The following PDZRN4 variants were observed in gnomAD, a reference collection of about 807,000 sequenced individuals.
PDZRN4 encodes PDZ domain-containing RING finger protein 4.
In PDZRN4, 70 loss-of-function variants were observed where a neutral mutation model predicts 99.0. The ratio of observed to expected loss-of-function variants is 0.71; its 90% CI spans 0.58 to 0.86. PDZRN4 has a LOEUF of 0.86. Ranked by LOEUF, PDZRN4 falls within the 40% of genes least tolerant of loss-of-function variation. The probability of loss-of-function intolerance (pLI) is 0.00; values close to 1 mark genes in which losing one functional copy is unlikely to be tolerated. For synonymous variants in PDZRN4, 551 were observed against 501.6 expected, an observed-to-expected ratio of 1.10 and a Z score of -1.32; for missense variants, 1,474 against 1,331.2, an observed-to-expected ratio of 1.11 and a Z score of -1.67.
At chr12:41,413,728 T>G (rs1225636224) in intron 3 of PDZRN4, among the ~76,000 whole-genome samples, 1 of 152,186 alleles carries the variant, frequency 6.6e-6, no homozygotes, top group East Asian at 1.9e-4. Flanking sequence ...GATGAGCCTT[T>G]GAAGACAGCA....
At chr12:41,317,066 A>AC (rs1408271873) in intron 3 of PDZRN4, among the ~76,000 whole-genome samples, 3 of 141,592 alleles carry the variant, frequency 2.1e-5, no homozygotes, top group Non-Finnish European at 4.7e-5. Context: ...ATATATATAT[A>AC]TATATATAGT....
intron 3 of PDZRN4, among the ~76,000 whole-genome samples, chr12:41,221,746 T>C (rs776211939): frequency 3.3e-5 from 5 of 152,090 alleles, no homozygotes; most frequent in Non-Finnish European, 5.9e-5. Flanking sequence ...GGCCTTCCTT[T>C]TCAAGTCTTA....
chr12:41,331,625 A>G (rs1204436864), intron 3 of PDZRN4, among the ~76,000 whole-genome samples: 1 of 152,162 alleles, frequency 6.6e-6, no homozygotes, highest in Non-Finnish European at 1.5e-5. Context: ...ATAGAACTGT[A>G]TTAGTCCATT....
intron 8 of PDZRN4, among the ~76,000 whole-genome samples, chr12:41,566,601 C>G (rs1031206766): frequency 5.3e-5 from 8 of 152,058 alleles, no homozygotes; most frequent in African/African-American, 1.9e-4. Context: ...TTCTACATGG[C>G]CTTTAATAGA....
intron 5 of PDZRN4, among the ~76,000 whole-genome samples, chr12:41,538,398 A>G (rs1267395698): frequency 6.6e-6 from 1 of 152,210 alleles, no homozygotes; most frequent in South Asian, 2.1e-4. Context: ...AAGAAACGTT[A>G]TATTGTGGAC....
chr12:41,229,354 T>G (rs1051590404), intron 3 of PDZRN4, among the ~76,000 whole-genome samples: 3 of 152,022 alleles, frequency 2.0e-5, no homozygotes, highest in Admixed American at 6.6e-5. Flanking sequence ...TCTTAAAAAG[T>G]CTTATAACCA....
intron 3 of PDZRN4, among the ~76,000 whole-genome samples, chr12:41,323,173 A>G (rs544075034): frequency 7.2e-5 from 11 of 152,260 alleles, no homozygotes; most frequent in African/African-American, 2.6e-4. Flanking sequence ...TTTGCTCCTA[A>G]GGTTAGCATC....
chr12:41,334,608 G>A (rs1951761590), intron 3 of PDZRN4, among the ~76,000 whole-genome samples: 2 of 152,096 alleles, frequency 1.3e-5, no homozygotes, highest in Non-Finnish European at 2.9e-5. Context: ...TCACGGCTTT[G>A]ACTGGCAAAG....
At chr12:41,281,114 G>T (rs757699061) in intron 3 of PDZRN4, among the ~76,000 whole-genome samples, 1 of 147,938 alleles carries the variant, frequency 6.8e-6, no homozygotes. Context: ...CAGACCTGCA[G>T]GAGAAGGGCC....
intron 3 of PDZRN4, among the ~76,000 whole-genome samples, chr12:41,415,303 T>A (rs905952611): frequency 6.7e-6 from 1 of 149,724 alleles, no homozygotes; most frequent in Non-Finnish European, 1.5e-5. Context: ...GAAAAGTCAA[T>A]GGAAATTTAT....
chr12:41,475,878 T>A (rs1953038434), intron 3 of PDZRN4, among the ~76,000 whole-genome samples: 1 of 152,174 alleles, frequency 6.6e-6, no homozygotes, highest in African/African-American at 2.4e-5. Flanking sequence ...CCTCCGGGAG[T>A]AAATGTTGTC....
intron 3 of PDZRN4, among the ~76,000 whole-genome samples, chr12:41,326,217 A>T (rs941589051): frequency 6.6e-5 from 10 of 151,906 alleles, no homozygotes; most frequent in Admixed American, 5.9e-4. Context: ...GGCTCGAGCA[A>T]TCTGCCCACC....
chr12:41,392,011 T>A (rs1404331350), intron 3 of PDZRN4, among the ~76,000 whole-genome samples: 1 of 152,188 alleles, frequency 6.6e-6, no homozygotes, highest in Non-Finnish European at 1.5e-5. Context: ...ATGCTATAGA[T>A]GTTATATTCA....
intron 3 of PDZRN4, among the ~76,000 whole-genome samples, chr12:41,248,505 ACAG>A (rs112056506): frequency 0.039 from 4,985 of 127,666 alleles, 148 homozygotes; most frequent in East Asian, 0.16. Context: ...TGTGTAATGG[ACAG>A]CAGTAATAGC....
intron 3 of PDZRN4, among the ~76,000 whole-genome samples, chr12:41,448,997 A>G (rs1952752807): frequency 6.6e-6 from 1 of 152,072 alleles, no homozygotes; most frequent in African/African-American, 2.4e-5. Flanking sequence ...CAGACCAAGC[A>G]TTTCATTACC....
intron 3 of PDZRN4, among the ~76,000 whole-genome samples, chr12:41,370,295 T>C (rs1952031591): frequency 1.3e-5 from 2 of 151,958 alleles, no homozygotes; most frequent in Non-Finnish European, 2.9e-5. Context: ...TTGCATTTTG[T>C]TTTTCATACT....
intron 3 of PDZRN4, among the ~76,000 whole-genome samples, chr12:41,270,195 A>G (rs1035047446): frequency 5.3e-5 from 8 of 152,042 alleles, no homozygotes; most frequent in African/African-American, 1.9e-4. Context: ...GCGCTAATAG[A>G]TGTAACAATA....
At chr12:41,567,992 G>T in intron 9 of PDZRN4, 93 bp downstream of exon 9, 1 of 720,074 alleles carries the variant, frequency 1.4e-6, no homozygotes. Context: ...AAAATCAAAG[G>T]GTTTAATCCA....
At chr12:41,361,501 C>T (rs1951963219) in intron 3 of PDZRN4, among the ~76,000 whole-genome samples, 1 of 151,912 alleles carries the variant, frequency 6.6e-6, no homozygotes, top group African/African-American at 2.4e-5. Context: ...GATGTTCAAA[C>T]CTGATTTTAT....
Sources: allele counts gnomAD v4.1 joint callset (sites outside exome capture counted in the v4.1 genomes callset), GRCh38; gene constraint gnomAD v4.1.1; transcripts MANE v1.5; gene names NCBI Gene and HGNC (gene_info 2026-07-23, HGNC 2026-07-21).